ST18: variants seen among roughly 807,000 people sequenced by gnomAD.
ST18 encodes the protein suppression of tumorigenicity 18 protein.
A neutral mutation model predicts 110.0 loss-of-function variants in ST18; 50 were observed. The ratio of observed to expected loss-of-function variants is 0.45; its 90% CI spans 0.36 to 0.58. The LOEUF (loss-of-function observed/expected upper bound fraction) is 0.58, where lower values mean the gene tolerates loss of function less well. ST18 is among the 20% of genes least tolerant of loss of function. The probability of loss-of-function intolerance (pLI) is 0.00; values close to 1 mark genes in which losing one functional copy is unlikely to be tolerated. For synonymous variants in ST18, 461 were observed against 452.4 expected, an observed-to-expected ratio of 1.02 and a Z score of -0.24; for missense variants, 1,306 against 1,280.1, an observed-to-expected ratio of 1.02 and a Z score of -0.31.
intron 2 of ST18, among the ~76,000 whole-genome samples, chr8:52,348,488 C>T (rs148402885): frequency 0.017 from 2,586 of 152,310 alleles, 67 homozygotes; most frequent in African/African-American, 0.059. Context: ...TGCGGTGGCT[C>T]ACGCCTGTAA....
At chr8:52,350,285 A>C (rs1259660851) in intron 2 of ST18, among the ~76,000 whole-genome samples, 1 of 152,218 alleles carries the variant, frequency 6.6e-6, no homozygotes, top group African/African-American at 2.4e-5. Flanking sequence ...ACAGAGGGAC[A>C]CAGTGGATTA....
At chr8:52,328,044 T>C (rs781408182) in intron 2 of ST18, among the ~76,000 whole-genome samples, 4 of 152,224 alleles carry the variant, frequency 2.6e-5, no homozygotes, top group Non-Finnish European at 5.9e-5. Flanking sequence ...GAGAATAATC[T>C]TAACTCAAGA....
intron 2 of ST18, among the ~76,000 whole-genome samples, chr8:52,323,238 C>T (rs1407022682): frequency 1.3e-5 from 2 of 152,228 alleles, no homozygotes. Context: ...TTGACTCCCA[C>T]CCGTGATTTA....
At chr8:52,125,885 T>C (rs763357229) in intron 23 of ST18, 167 bp downstream of exon 23, 5 of 576,720 alleles carry the variant, frequency 8.7e-6, no homozygotes, top group Middle Eastern at 5.6e-4. Flanking sequence ...ACCAAAAAAT[T>C]GGTTTTTAAA....
chr8:52,387,675 A>T (rs955784976), intron 2 of ST18, among the ~76,000 whole-genome samples: 1 of 152,118 alleles, frequency 6.6e-6, no homozygotes, highest in Non-Finnish European at 1.5e-5. Context: ...GTGTTAGAAA[A>T]GTCACAAAAA....
chr8:52,147,072 T>A (rs1340374511), intron 16 of ST18, among the ~76,000 whole-genome samples: 2 of 152,348 alleles, frequency 1.3e-5, no homozygotes, highest in East Asian at 3.9e-4. Context: ...AAATTCCAGA[T>A]GTCACAATAC....
intron 15 of ST18, among the ~76,000 whole-genome samples, chr8:52,157,364 G>A (rs1386077305): frequency 2.0e-5 from 3 of 152,020 alleles, no homozygotes; most frequent in Non-Finnish European, 1.5e-5. Context: ...AGTCATTTCA[G>A]TAACACCAAT....
chr8:52,216,573 T>C (rs2084310744), intron 6 of ST18, among the ~76,000 whole-genome samples: 1 of 152,186 alleles, frequency 6.6e-6, no homozygotes, highest in Non-Finnish European at 1.5e-5. Flanking sequence ...CTACATTGTG[T>C]CTACTCAAGT....
chr8:52,364,947 C>T (rs547271979), intron 2 of ST18, among the ~76,000 whole-genome samples: 1 of 152,164 alleles, frequency 6.6e-6, no homozygotes, highest in African/African-American at 2.4e-5. Context: ...CCCGTCTCTA[C>T]TAAAAATACA....
rs75219715 is a variant in ST18 at position 52,380,926 on chromosome 8, G to A, written c.-465+28402C>T. ...GCAGGCTGTGTCCCAGGGGTGGGGC[G>A]TTAGGGTTCTGTGAATGCTCACAGG... On this transcript the variant is annotated intron_variant, in intron 2 of 25. Coordinates refer to ENST00000689386, the MANE Select transcript of ST18 (RefSeq NM_001352837.2). 1.4e-3 allele frequency among the ~76,000 whole-genome samples: 216 copies of A among 152,246 alleles called. 2 individuals are homozygous for A. The East Asian group carries it at 0.031, about 22-fold the overall frequency.
chr8:52,215,877 A>C (rs1349315297), intron 6 of ST18, among the ~76,000 whole-genome samples: 1 of 152,188 alleles, frequency 6.6e-6, no homozygotes, highest in Non-Finnish European at 1.5e-5. Flanking sequence ...GCTCAACTCT[A>C]GCGAATGCCC....
intron 2 of ST18, among the ~76,000 whole-genome samples, chr8:52,240,852 T>C (rs532962533): frequency 6.6e-6 from 1 of 152,328 alleles, no homozygotes; most frequent in East Asian, 1.9e-4. Context: ...TGTCTCACTC[T>C]ATATATTCTC....
chr8:52,130,813 C>T (rs1288257772), intron 22 of ST18, among the ~76,000 whole-genome samples: 1 of 152,134 alleles, frequency 6.6e-6, no homozygotes, highest in East Asian at 1.9e-4. Context: ...CACCACAGTA[C>T]AGCATTAATA....
At chr8:52,137,856 A>G in intron 17 of ST18, 1 of 184,092 alleles carries the variant, frequency 5.4e-6, no homozygotes, top group Non-Finnish European at 1.1e-5. Flanking sequence ...TAATCCCAGC[A>G]CTTGGGAGGC....
At chr8:52,253,054 T>C (rs1320293688) in intron 2 of ST18, among the ~76,000 whole-genome samples, 1 of 151,968 alleles carries the variant, frequency 6.6e-6, no homozygotes, top group Non-Finnish European at 1.5e-5. Context: ...TTTTAGTGTA[T>C]TGGATTTTGC....
At chr8:52,126,775 A>T (rs2047255555) in intron 22 of ST18, among the ~76,000 whole-genome samples, 1 of 152,252 alleles carries the variant, frequency 6.6e-6, no homozygotes, top group South Asian at 2.1e-4. Flanking sequence ...TTCAGATGCA[A>T]TCACTGCAGA....
chr8:52,177,059 C>T (rs1260389964), intron 9 of ST18, among the ~76,000 whole-genome samples: 36 of 152,180 alleles, frequency 2.4e-4, no homozygotes, highest in Non-Finnish European at 4.4e-5. Flanking sequence ...CATATTTCCC[C>T]ATGAGCTTGT....
At chr8:52,254,765 T>C (rs2094471986) in intron 2 of ST18, among the ~76,000 whole-genome samples, 1 of 152,074 alleles carries the variant, frequency 6.6e-6, no homozygotes, top group South Asian at 2.1e-4. Flanking sequence ...TGGGCTGAGT[T>C]AAAAAGGGGG....
chr8:52,151,304 A>G (rs926403160), intron 15 of ST18, among the ~76,000 whole-genome samples: 2 of 151,800 alleles, frequency 1.3e-5, no homozygotes, highest in Non-Finnish European at 2.9e-5. Flanking sequence ...TTTTACCTGC[A>G]AAGTTTGTAT....
Sources: allele counts gnomAD v4.1 joint callset (sites outside exome capture counted in the v4.1 genomes callset), GRCh38; gene constraint gnomAD v4.1.1; transcripts MANE v1.5; gene names NCBI Gene and HGNC (gene_info 2026-07-23, HGNC 2026-07-21).